Variants in LLGL1 observed in about 807,000 individuals in gnomAD.
LLGL1 encodes lethal(2) giant larvae protein homolog 1.
A neutral mutation model predicts 110.6 loss-of-function variants in LLGL1; 58 were observed. The observed-to-expected ratio is 0.52, with a 90% CI of 0.42 to 0.65. The LOEUF is 0.65. Among genes scored for constraint, LLGL1 ranks in the 30% least tolerant of loss-of-function variants. The pLI, the probability that LLGL1 is intolerant of heterozygous loss-of-function variation, is 0.00. For synonymous variants in LLGL1, 674 were observed against 607.2 expected (o/e 1.11, Z -1.62); for missense variants, 1,229 against 1,462.1 (o/e 0.84, Z 2.60).
Position 18,229,940 on chromosome 17 carries a change from G to C in LLGL1, c.82-1G>C, listed in dbSNP as rs1459189489. 3 of 1,606,418 alleles carry C rather than the reference G, an allele frequency of 1.9e-6. No homozygotes were observed. The highest frequency in any genetic ancestry group is 2.5e-6 in the Non-Finnish European group (3 of 1,177,464). ...CCCCAGCAGCCCTCCCCTCCTTGCA[G>C]ACTGTGGAGCATGGCTTCCCCAATC... On this transcript the variant is annotated splice_acceptor_variant, in intron 1 of 22. Transcript: ENST00000316843. LOFTEE classifies it high-confidence loss of function.
intron 2 of LLGL1, among the ~76,000 whole-genome samples, chr17:18,231,128 G>A (rs2047557904): frequency 6.6e-6 from 1 of 152,218 alleles, no homozygotes; most frequent in African/African-American, 2.4e-5. Context: ...AACCTGAAGT[G>A]CAGATGAGGA....
chr17:18,237,984 G>T, intron 14 of LLGL1, 83 bp from the exon 15 acceptor site: 1 of 1,509,790 alleles, frequency 6.6e-7, no homozygotes, highest in East Asian at 2.3e-5. Context: ...TCCCTGACCT[G>T]GGTGCCTCCA....
rs957371374 is a variant in LLGL1 at position 18,239,068 on chromosome 17, C to T, written c.2206+459C>T. 2.0e-5 allele frequency among the ~76,000 whole-genome samples: 3 copies of T among 152,134 alleles called. No homozygotes were observed. The East Asian group carries it at 5.8e-4, about 29-fold the overall frequency. On this transcript the variant is annotated intron_variant, in intron 16 of 22. Transcript: ENST00000316843. Reference sequence around the variant, plus strand: ...GACTGCTGGGTCACCCCCAGTCTCTCTGGGGGAGCTGGATGGTAAAGGATT... The same window carrying T: ...GACTGCTGGGTCACCCCCAGTCTCTTTGGGGGAGCTGGATGGTAAAGGATT...
rs780174211 is a variant in LLGL1 at position 18,234,305 on chromosome 17, C to T, written c.747C>T (p.Ser249=). The T allele has an allele frequency of 9.3e-6, 15 of 1,609,214 alleles. 1 individual carries two copies. In the South Asian group the frequency reaches 1.7e-4, roughly 18 times the overall value. ...AGAGCCTATGCTGGGGGCGTGATAG[C>T]AGCACTGTGGTCAGCTCACACAGCG... ...QLESLCWGRD[S]STVVSSHSDG... The change falls in exon 7 of 23, where the codon AGC becomes AGT. Residue 249 remains serine, a synonymous_variant. Coordinates refer to ENST00000316843, the MANE Select transcript of LLGL1 (RefSeq NM_004140.4).
chr17:18,230,228 G>A (rs1176796867), intron 2 of LLGL1, among the ~76,000 whole-genome samples, 190 bp downstream of exon 2: 2 of 152,172 alleles, frequency 1.3e-5, no homozygotes, highest in East Asian at 1.9e-4. Context: ...CAGAGATGAT[G>A]GGGTCCTTTT....
chr17:18,233,961 C>T (rs778527897), intron 5 of LLGL1, 25 bp downstream of exon 5: 30 of 1,602,486 alleles, frequency 1.9e-5, no homozygotes, highest in Non-Finnish European at 2.6e-5. Context: ...GGCTTCCCAG[C>T]ACCCACTGTG....
intron 10 of LLGL1, 24 bp downstream of exon 10, chr17:18,235,336 C>T: frequency 6.2e-7 from 1 of 1,608,266 alleles, no homozygotes; most frequent in Non-Finnish European, 8.5e-7. Flanking sequence ...TCAGGGGGGT[C>T]TTACAGGGTG....
intron 17 of LLGL1, 194 bp downstream of exon 17, chr17:18,241,067 TGCTGA>T (rs2047819709): frequency 1.6e-6 from 1 of 633,060 alleles, no homozygotes; most frequent in Non-Finnish European, 2.6e-6. Context: ...CCCCTCAGCC[TGCTGA>T]GTTCCCCTGG....
chr17:18,233,947 G>A lies in LLGL1; in HGVS notation c.551+11G>A, dbSNP rs376960367. The A allele has an allele frequency of 1.2e-4, 185 of 1,608,148 alleles. 1 individual carries two copies. Among genetic ancestry groups the A allele is most frequent in the Non-Finnish European group, 1.3e-4 (158 of 1,177,466 alleles). On this transcript the variant is annotated intron_variant, in intron 5 of 22. Transcript: ENST00000316843. ...CGAGGTTCTGCGCAGGTAAGAGGCCGGTGGGCTTCCCAGCACCCACTGTGT... is the reference window on the plus strand; with the variant it reads ...CGAGGTTCTGCGCAGGTAAGAGGCCAGTGGGCTTCCCAGCACCCACTGTGT...
chr17:18,226,134 G>C (rs960628580), intron 1 of LLGL1, among the ~76,000 whole-genome samples: 1 of 152,088 alleles, frequency 6.6e-6, no homozygotes, highest in Non-Finnish European at 1.5e-5. Context: ...CTGTGTGTGT[G>C]GTGGGGGTGT....
chr17:18,242,423 C>G lies in LLGL1; in HGVS notation c.2996-85C>G, dbSNP rs111548128. On this transcript the variant is annotated intron_variant, in intron 20 of 22. Coordinates refer to ENST00000316843, the MANE Select transcript of LLGL1 (RefSeq NM_004140.4). Reference sequence around the variant, plus strand: ...CACTGGTGCCACCCCTCACCATGGGCTGCCTTATGGGTCTGTGTCCCTAGG... The same window carrying G: ...CACTGGTGCCACCCCTCACCATGGGGTGCCTTATGGGTCTGTGTCCCTAGG... 9 of 1,585,002 alleles carry G rather than the reference C, an allele frequency of 5.7e-6. No homozygotes were observed. In the African/African-American group the frequency reaches 1.1e-4, roughly 19 times the overall value.
chr17:18,229,225 G>A (rs2142550134), intron 1 of LLGL1, among the ~76,000 whole-genome samples: 1 of 152,170 alleles, frequency 6.6e-6, no homozygotes, highest in South Asian at 2.1e-4. Context: ...CAGGGGAGCG[G>A]GTGGGGAGCT....
rs1567699774 is a variant in LLGL1, at chr17:18,244,572, C to T, written c.*666C>T. The T allele has an allele frequency of 6.6e-6, 1 of 152,242 alleles. No homozygotes were observed. The highest frequency in any genetic ancestry group is 1.5e-5 in the Non-Finnish European group (1 of 68,234). The allele number at this position is 152,242 out of a possible 1,614,324, so 9.4% of individuals were successfully genotyped here. ...AAAGAGTATTTTTCTAGCGCCTGGG[C>T]TGGACAGTTGTTTCTAAAACTAAAC... On this transcript the variant is annotated 3_prime_UTR_variant, in exon 23 of 23. Coordinates refer to ENST00000316843, the MANE Select transcript of LLGL1 (RefSeq NM_004140.4).
At position 18,238,085 on chromosome 17, in the gene LLGL1, T is replaced by A. The variant is rs377588818; in HGVS notation, c.1923T>A (p.Asn641Lys). 1.2e-6 allele frequency: 2 copies of A among 1,613,672 alleles called. No individual in the cohort carries two copies. The highest frequency in any genetic ancestry group is 1.7e-6 in the Non-Finnish European group (2 of 1,179,982). Reference sequence around the variant, plus strand: ...CCCCCAGGTGCACTCTTCACCCCAATGACTCCCTGGCCATGGAGGGTCCGC... The same window carrying A: ...CCCCCAGGTGCACTCTTCACCCCAAAGACTCCCTGGCCATGGAGGGTCCGC... ...PVLARCTLHP[N>K]DSLAMEGPLS... Residue 641 changes from asparagine to lysine, a missense_variant, in exon 15 of 23, where the codon AAT (asparagine) becomes AAA (lysine). Physicochemically the swap from Asn to Lys is moderately conservative, Grantham distance 94 (BLOSUM62 0). Coordinates refer to ENST00000316843, the MANE Select transcript of LLGL1 (RefSeq NM_004140.4).
In LLGL1 at chr17:18,233,950, G is replaced by T. The variant is rs1307381205; in HGVS notation, c.551+14G>T. 2.5e-6 allele frequency: 4 copies of T among 1,607,952 alleles called. No homozygotes were observed. In the Admixed American group the frequency reaches 5.0e-5, roughly 20 times the overall value. On this transcript the variant is annotated intron_variant, in intron 5 of 22. Transcript: ENST00000316843. ...GGTTCTGCGCAGGTAAGAGGCCGGTGGGCTTCCCAGCACCCACTGTGTGCC... is the reference window on the plus strand; with the variant it reads ...GGTTCTGCGCAGGTAAGAGGCCGGTTGGCTTCCCAGCACCCACTGTGTGCC...
In LLGL1 at chr17:18,235,012, C is replaced by A; in HGVS notation, c.1060+19C>A. 6.2e-7 allele frequency: 1 copy of A among 1,613,914 alleles called. No individual in the cohort carries two copies. Among genetic ancestry groups the A allele is most frequent in the South Asian group, 1.1e-5 (1 of 91,078 alleles). ...GAGGATGGTGCGTGCCCTGCCGTAC[C>A]CTACCCTTTCCCAGCCCCACCTGGT... On this transcript the variant is annotated intron_variant, in intron 9 of 22. Coordinates refer to ENST00000316843, the MANE Select transcript of LLGL1 (RefSeq NM_004140.4).
intron 2 of LLGL1, 61 bp downstream of exon 2, chr17:18,230,099 T>A (rs1386590260): frequency 1.5e-5 from 19 of 1,302,272 alleles, no homozygotes; most frequent in Non-Finnish European, 2.0e-5. Context: ...TAGTTCCCTG[T>A]GCTCTGGGGT....
At position 18,240,891 on chromosome 17, in the gene LLGL1, G is replaced by A. The variant is rs1284473569; in HGVS notation, c.2502+18G>A. The A allele has an allele frequency of 2.0e-6, 3 of 1,500,300 alleles. No individual in the cohort carries two copies. The highest frequency in any genetic ancestry group is 2.7e-6 in the Non-Finnish European group (3 of 1,115,234). The allele number at this position is 1,500,300 out of a possible 1,614,324, so 92.9% of individuals were successfully genotyped here. On this transcript the variant is annotated intron_variant, in intron 17 of 22. Transcript: ENST00000316843. This position sits in a 1 kb window ranked among gnomAD's most constrained non-coding sequence, Gnocchi z 5.3. ...AGTTCAAGGTGAGCCACTGTGGGCT[G>A]TGGGGGACTCTGGGGGACTCCCCTC...
In LLGL1 at chr17:18,238,096, C is replaced by T. The variant is rs1339260331; in HGVS notation, c.1934C>T (p.Ala645Val). The change falls in exon 15 of 23, where the codon GCC (alanine) becomes GTC (valine). Residue 645 changes from alanine to valine, a missense_variant. Coordinates refer to ENST00000316843, the MANE Select transcript of LLGL1 (RefSeq NM_004140.4). ...ACTCTTCACCCCAATGACTCCCTGG[C>T]CATGGAGGGTCCGCTCTCCCGGGTG... ...RCTLHPNDSL[A>V]MEGPLSRVKS... 5 of 1,613,860 alleles carry T rather than the reference C, an allele frequency of 3.1e-6. No homozygotes were observed. The African/African-American group carries it at 4.0e-5, about 13-fold the overall frequency.
Sources: gnomAD v4.1 joint callset for allele counts (sites outside exome capture counted in the v4.1 genomes callset) on GRCh38, gnomAD v4.1.1 for gene constraint, Gnocchi (gnomAD v3.1) non-coding constraint, MANE v1.5 for transcripts, NCBI Gene and HGNC (gene_info 2026-07-23, HGNC 2026-07-21) for gene names.